RAB3C: variants seen among roughly 807,000 people sequenced by gnomAD.
The protein encoded by RAB3C is RAB3C, member RAS oncogene family, also known as ras-related protein Rab-3C.
Under a neutral mutation model 26.4 loss-of-function variants are expected in RAB3C, and 17 were observed. That is an observed-to-expected ratio of 0.64 (90% CI 0.44 to 0.97). RAB3C has a LOEUF of 0.97. RAB3C is among the 50% of genes least tolerant of loss of function. The pLI is 0.00. For missense variants in RAB3C, 242 were observed against 281.9 expected, an observed-to-expected ratio of 0.86 and a Z score of 1.01; for synonymous variants, 91 against 95.9, an observed-to-expected ratio of 0.95 and a Z score of 0.30.
At chr5:58,847,501 A>C (rs1744029678) in intron 4 of RAB3C, among the ~76,000 whole-genome samples, 1 of 152,218 alleles carries the variant, frequency 6.6e-6, no homozygotes, top group African/African-American at 2.4e-5. Context: ...CTCAAAATAC[A>C]GAGATACTGG....
chr5:58,740,618 A>C (rs745947731), intron 3 of RAB3C, among the ~76,000 whole-genome samples: 2 of 152,154 alleles, frequency 1.3e-5, no homozygotes, highest in Non-Finnish European at 2.9e-5. Flanking sequence ...TCAAGAGATA[A>C]AGATCAGCCT....
intron 3 of RAB3C, among the ~76,000 whole-genome samples, chr5:58,754,657 A>G (rs576372899): frequency 3.3e-5 from 5 of 152,348 alleles, no homozygotes; most frequent in African/African-American, 1.2e-4. Flanking sequence ...TACCAGCCAC[A>G]AAGAACCACA....
intron 2 of RAB3C, among the ~76,000 whole-genome samples, chr5:58,696,374 C>T (rs1220006477): frequency 4.6e-5 from 7 of 152,116 alleles, no homozygotes; most frequent in Admixed American, 4.6e-4. Flanking sequence ...GGATATTGGT[C>T]TAAAATTCTC....
intron 2 of RAB3C, among the ~76,000 whole-genome samples, chr5:58,647,957 G>A (rs962323835): frequency 6.6e-6 from 1 of 152,040 alleles, no homozygotes; most frequent in South Asian, 2.1e-4. Flanking sequence ...GAAAACAGCT[G>A]AATAAAAAAA....
At chr5:58,583,261 G>C (rs998636893) in intron 1 of RAB3C, 29 bp downstream of exon 1, 4 of 1,613,974 alleles carry the variant, frequency 2.5e-6, no homozygotes, top group Non-Finnish European at 2.5e-6. Context: ...AGTGGCCTCG[G>C]GAGGAATTGA....
intron 2 of RAB3C, among the ~76,000 whole-genome samples, chr5:58,680,420 T>C (rs1489946746): frequency 6.6e-6 from 1 of 152,216 alleles, no homozygotes; most frequent in Non-Finnish European, 1.5e-5. Context: ...CACTTGTATG[T>C]TATATGAAAC....
chr5:58,716,814 A>C (rs1369001722), intron 2 of RAB3C, among the ~76,000 whole-genome samples: 1 of 151,882 alleles, frequency 6.6e-6, no homozygotes, highest in East Asian at 1.9e-4. Flanking sequence ...AAAAAAAAAA[A>C]AAAACAACTC....
intron 3 of RAB3C, among the ~76,000 whole-genome samples, chr5:58,743,349 C>A (rs890930053): frequency 1.3e-5 from 2 of 151,992 alleles, no homozygotes; most frequent in Non-Finnish European, 2.9e-5. Flanking sequence ...ATCTTCTATG[C>A]CAATTCAGTC....
chr5:58,675,525 C>A (rs1430679673), intron 2 of RAB3C, among the ~76,000 whole-genome samples: 1 of 151,732 alleles, frequency 6.6e-6, no homozygotes, highest in Non-Finnish European at 1.5e-5. Flanking sequence ...GGCATTCAAG[C>A]ATAGCAACTG....
chr5:58,714,819 GA>G lies in RAB3C; in HGVS notation c.253-11182del, dbSNP rs910908327. ...ACAAAATAGAAAATTTTCAACCAAA[GA>G]GAAAGCAGGATATGAAAAAAAGAAA... is the stretch of plus-strand genomic sequence containing the variant. On this transcript the variant is annotated intron_variant, in intron 2 of 4. Coordinates refer to ENST00000282878, the MANE Select transcript of RAB3C (RefSeq NM_138453.4). 1.6e-4 allele frequency among the ~76,000 whole-genome samples: 25 copies of G among 151,566 alleles called. No individual in the cohort carries two copies. The East Asian group carries it at 3.3e-3, about 20-fold the overall frequency.
At chr5:58,813,572 T>A (rs1234332102) in intron 3 of RAB3C, among the ~76,000 whole-genome samples, 1 of 116,476 alleles carries the variant, frequency 8.6e-6, no homozygotes, top group Non-Finnish European at 2.0e-5. Flanking sequence ...TAAGTTGTTA[T>A]GGTTAATTTA....
chr5:58,598,515 A>G (rs1746376131), intron 1 of RAB3C, among the ~76,000 whole-genome samples: 1 of 152,034 alleles, frequency 6.6e-6, no homozygotes, highest in Non-Finnish European at 1.5e-5. Flanking sequence ...GGTTTCTACA[A>G]AATTCCACTT....
chr5:58,685,489 T>C (rs1748427079), intron 2 of RAB3C, among the ~76,000 whole-genome samples: 1 of 152,142 alleles, frequency 6.6e-6, no homozygotes, highest in Admixed American at 6.5e-5. Flanking sequence ...TAACTCTCCA[T>C]CTCAAGATCC....
intron 2 of RAB3C, among the ~76,000 whole-genome samples, chr5:58,632,369 G>T (rs998833569): frequency 6.6e-6 from 1 of 152,152 alleles, no homozygotes; most frequent in African/African-American, 2.4e-5. Context: ...TGTAGATTTT[G>T]AACCCCATGT....
chr5:58,846,832 T>G (rs1744016324), intron 4 of RAB3C: 1 of 151,928 alleles, frequency 6.6e-6, no homozygotes. Context: ...ACAGGTTGGC[T>G]TTTGCTTCTG....
intron 2 of RAB3C, among the ~76,000 whole-genome samples, chr5:58,682,633 G>C (rs1311842535): frequency 6.6e-6 from 1 of 151,690 alleles, no homozygotes; most frequent in South Asian, 2.1e-4. Flanking sequence ...GCAGTGAGCC[G>C]GGATCGTGCC....
At chr5:58,693,336 G>GTATATATATATATATATATA (rs61291213) in intron 2 of RAB3C, among the ~76,000 whole-genome samples, 25 of 111,770 alleles carry the variant, frequency 2.2e-4, no homozygotes, top group African/African-American at 8.6e-4. Flanking sequence ...ATATATATGT[G>GTATATATATATATATATATA]TATATATATA....
At chr5:58,680,153 A>G (rs2111839195) in intron 2 of RAB3C, among the ~76,000 whole-genome samples, 3 of 152,324 alleles carry the variant, frequency 2.0e-5, no homozygotes, top group Admixed American at 2.0e-4. Context: ...TTCATTTTTG[A>G]GTGAGGATTC....
intron 3 of RAB3C, among the ~76,000 whole-genome samples, chr5:58,738,161 C>T (rs1166202524): frequency 6.6e-6 from 1 of 152,102 alleles, no homozygotes; most frequent in Non-Finnish European, 1.5e-5. Context: ...AGTTTCCAGT[C>T]AGGGTTCTCT....
Sources: gnomAD v4.1 joint callset for allele counts (sites outside exome capture counted in the v4.1 genomes callset) on GRCh38, gnomAD v4.1.1 for gene constraint, MANE v1.5 for transcripts, NCBI Gene and HGNC (gene_info 2026-07-23, HGNC 2026-07-21) for gene names.